The following TOM1L2 variants were observed in gnomAD, a reference collection of about 807,000 sequenced individuals.
The protein encoded by TOM1L2 is target of myb1 like 2 membrane trafficking protein.
In TOM1L2, 31 loss-of-function variants were observed where a neutral mutation model predicts 67.9. The observed-to-expected ratio is 0.46, with a 90% CI of 0.34 to 0.62. The LOEUF is 0.62. TOM1L2 is among the 20% of genes least tolerant of loss of function. TOM1L2 has a pLI of 0.01. For missense variants in TOM1L2, 606 were observed against 663.5 expected (o/e 0.91, Z 0.95); for synonymous variants, 256 against 254.0 (o/e 1.01, Z -0.07).
At chr17:17,898,469 G>A in intron 3 of TOM1L2, 127 bp downstream of exon 3, 1 of 924,708 alleles carries the variant, frequency 1.1e-6, no homozygotes, top group Non-Finnish European at 1.8e-6. Flanking sequence ...CTGGACTCCA[G>A]TGGCCCAGGC....
chr17:17,863,563 CTTT>C (rs11334951), intron 10 of TOM1L2, among the ~76,000 whole-genome samples: 19 of 130,542 alleles, frequency 1.5e-4, no homozygotes, highest in Non-Finnish European at 1.6e-4. Context: ...AGACACTAGA[CTTT>C]TTTTTTTTTT....
intron 1 of TOM1L2, among the ~76,000 whole-genome samples, chr17:17,942,752 A>C (rs2040785654): frequency 6.6e-6 from 1 of 152,218 alleles, no homozygotes; most frequent in Non-Finnish European, 1.5e-5. Context: ...TGGTACTATA[A>C]GCAGTCACAT....
chr17:17,967,884 G>A (rs1156744838), intron 1 of TOM1L2, among the ~76,000 whole-genome samples: 1 of 152,128 alleles, frequency 6.6e-6, no homozygotes, highest in African/African-American at 2.4e-5. Flanking sequence ...CTGGATTACA[G>A]GTGTGAGCCA....
intron 7 of TOM1L2, among the ~76,000 whole-genome samples, chr17:17,870,215 C>A (rs927957979): frequency 6.6e-6 from 1 of 152,170 alleles, no homozygotes; most frequent in African/African-American, 2.4e-5. Flanking sequence ...GAAATTCGCA[C>A]ACCCCCGGTT....
chr17:17,851,995 T>C (rs2036005894), intron 12 of TOM1L2, among the ~76,000 whole-genome samples: 1 of 152,228 alleles, frequency 6.6e-6, no homozygotes, highest in African/African-American at 2.4e-5. Context: ...TAATGGAATG[T>C]TGGCTCCCAG....
rs2036558433 is a variant in TOM1L2, at chr17:17,861,500, G to T, written c.1254C>A (p.Asp418Glu). The T allele has an allele frequency of 1.9e-6, 3 of 1,614,102 alleles. No individual in the cohort carries two copies. Among genetic ancestry groups the T allele is most frequent in the East Asian group, 2.2e-5 (1 of 44,884 alleles). ...QAVGGLASALDNRKQSSEGIP... is the reference protein window; with the variant it reads ...QAVGGLASALENRKQSSEGIP... ...CCCCTTCTGAACTCTGTTTTCGATTGTCTAGTGCAGAAGCAAGTCCTCCGA... is the reference window on the plus strand; with the variant it reads ...CCCCTTCTGAACTCTGTTTTCGATTTTCTAGTGCAGAAGCAAGTCCTCCGA... Residue 418 changes from aspartate to glutamate, a missense_variant, in exon 12 of 15, where the codon GAC becomes GAA. Physicochemically the swap from Asp to Glu is conservative, Grantham distance 45. Transcript: ENST00000379504.
chr17:17,914,265 G>A (rs1222578939), intron 1 of TOM1L2, among the ~76,000 whole-genome samples: 1 of 152,164 alleles, frequency 6.6e-6, no homozygotes, highest in East Asian at 1.9e-4. Context: ...GTCTGGATAA[G>A]CCATAGGGTG....
rs557012941 is a variant in TOM1L2, at chr17:17,932,270, C to T, written c.53-24739G>A. Among the ~76,000 whole-genome samples the T allele has an allele frequency of 2.6e-5, 4 of 152,148 alleles. No individual in the cohort carries two copies. The East Asian group carries it at 7.7e-4, about 29-fold the overall frequency. Reference sequence around the variant, plus strand: ...ACAAGACCAAGAACTTATGAACATGCTTTTTATTTCATTATTCTTATTATT... The same window carrying T: ...ACAAGACCAAGAACTTATGAACATGTTTTTTATTTCATTATTCTTATTATT... On this transcript the variant is annotated intron_variant, in intron 1 of 14. Coordinates refer to ENST00000379504, the MANE Select transcript of TOM1L2 (RefSeq NM_001082968.2).
In TOM1L2 at chr17:17,885,924, C is replaced by CAAAAA. The variant is rs35579807; in HGVS notation, c.367-1161_367-1157dup. On this transcript the variant is annotated intron_variant, in intron 4 of 14. Coordinates refer to ENST00000379504, the MANE Select transcript of TOM1L2 (RefSeq NM_001082968.2). ...TGGGCGACAGAGCAAGACTCCGTCT[C>CAAAAA]AAAAAAAAAAAAAAAAAAAAAAAAA... Among the ~76,000 whole-genome samples the CAAAAA allele has an allele frequency of 4.5e-5, 3 of 66,222 alleles. No homozygotes were observed. The Admixed American group carries it at 5.5e-4, about 12-fold the overall frequency. 43.4% of individuals were successfully genotyped at this position (66,222 alleles called of 152,430 possible). A position where few individuals can be genotyped will look rare whatever the true frequency, so the allele number is the denominator to read the frequency against.
intron 1 of TOM1L2, among the ~76,000 whole-genome samples, chr17:17,917,581 A>C (rs531839265): frequency 5.4e-5 from 8 of 148,284 alleles, no homozygotes; most frequent in Non-Finnish European, 1.0e-4. Context: ...ATACATGTGC[A>C]TGCCACCATG....
chr17:17,919,195 C>T (rs1452665756), intron 1 of TOM1L2, among the ~76,000 whole-genome samples: 2 of 152,230 alleles, frequency 1.3e-5, no homozygotes, highest in Non-Finnish European at 2.9e-5. Context: ...CACTCTCTCA[C>T]ACAGTGGCTG....
At chr17:17,956,801 C>G (rs1299258325) in intron 1 of TOM1L2, among the ~76,000 whole-genome samples, 1 of 152,236 alleles carries the variant, frequency 6.6e-6, no homozygotes. Context: ...ACCCAGAACT[C>G]GCGCTGGCCC....
chr17:17,925,035 C>T (rs555555427), intron 1 of TOM1L2, among the ~76,000 whole-genome samples: 8 of 152,316 alleles, frequency 5.3e-5, no homozygotes, highest in African/African-American at 1.9e-4. Context: ...CTCTCTCTCT[C>T]TGTTTTTTGT....
intron 1 of TOM1L2, among the ~76,000 whole-genome samples, chr17:17,943,097 G>A (rs1179001127): frequency 6.6e-6 from 1 of 152,072 alleles, no homozygotes; most frequent in Non-Finnish European, 1.5e-5. Flanking sequence ...GTACACAGAG[G>A]TTCATTACAC....
chr17:17,966,217 C>G (rs974321981), intron 1 of TOM1L2, among the ~76,000 whole-genome samples: 2 of 152,134 alleles, frequency 1.3e-5, no homozygotes, highest in Admixed American at 1.3e-4. Context: ...CATTTCCTTA[C>G]TGCATTTATC....
intron 4 of TOM1L2, among the ~76,000 whole-genome samples, chr17:17,888,514 A>C (rs2038106416): frequency 6.6e-6 from 1 of 152,172 alleles, no homozygotes; most frequent in African/African-American, 2.4e-5. Flanking sequence ...TATGCCCCAG[A>C]CCAGACTTCC....
At chr17:17,849,190 ACT>A (rs2035822719) in intron 13 of TOM1L2, among the ~76,000 whole-genome samples, 1 of 152,280 alleles carries the variant, frequency 6.6e-6, no homozygotes, top group South Asian at 2.1e-4. Context: ...CACCTTTGGC[ACT>A]CTTGAGGCTC....
intron 2 of TOM1L2, among the ~76,000 whole-genome samples, chr17:17,902,444 G>C (rs1203821373): frequency 1.3e-5 from 2 of 152,250 alleles, no homozygotes; most frequent in Non-Finnish European, 2.9e-5. Flanking sequence ...GCGGCCAGGT[G>C]AGCCTGTGCT....
intron 14 of TOM1L2, among the ~76,000 whole-genome samples, chr17:17,848,463 C>A (rs1403235463): frequency 6.6e-6 from 1 of 152,212 alleles, no homozygotes; most frequent in Non-Finnish European, 1.5e-5. Flanking sequence ...GAGGCTCCTC[C>A]CTTCTGGCTC....
Sources: allele counts gnomAD v4.1 joint callset (sites outside exome capture counted in the v4.1 genomes callset), GRCh38; gene constraint gnomAD v4.1.1; transcripts MANE v1.5; gene names NCBI Gene and HGNC (gene_info 2026-07-23, HGNC 2026-07-21).